DOCK4: variants seen among roughly 807,000 people sequenced by gnomAD.
The protein encoded by DOCK4 is dedicator of cytokinesis protein 4.
A neutral mutation model predicts 268.1 loss-of-function variants in DOCK4; 97 were observed. That is an observed-to-expected ratio of 0.36 (90% confidence interval 0.31 to 0.43). DOCK4 has a LOEUF of 0.43. Among genes scored for constraint, DOCK4 ranks in the 20% least tolerant of loss-of-function variants. The probability of loss-of-function intolerance (pLI) is 1.00; values close to 1 mark genes in which losing one functional copy is unlikely to be tolerated. For missense variants in DOCK4, 2,145 were observed against 2,455.7 expected (o/e 0.87, Z 2.67); for synonymous variants, 954 against 887.2 (o/e 1.08, Z -1.34).
chr7:111,943,885 T>C (rs1795400866), intron 10 of DOCK4, among the ~76,000 whole-genome samples: 1 of 152,198 alleles, frequency 6.6e-6, no homozygotes, highest in African/African-American at 2.4e-5. Flanking sequence ...ATCGTGTACA[T>C]AAAACCAAAG....
At chr7:111,921,673 C>A (rs1222664233) in intron 12 of DOCK4, among the ~76,000 whole-genome samples, 1 of 152,172 alleles carries the variant, frequency 6.6e-6, no homozygotes, top group Non-Finnish European at 1.5e-5. Context: ...TTGGTTTCCA[C>A]ATCTGTAAAA....
intron 1 of DOCK4, among the ~76,000 whole-genome samples, chr7:112,063,780 T>A (rs1044108357): frequency 1.3e-5 from 2 of 152,228 alleles, no homozygotes; most frequent in African/African-American, 4.8e-5. Context: ...AGACAATGAA[T>A]ATAGAGCCTA....
intron 7 of DOCK4, among the ~76,000 whole-genome samples, chr7:111,979,665 C>T (rs1026601568): frequency 2.0e-5 from 3 of 151,968 alleles, no homozygotes; most frequent in Admixed American, 6.6e-5. Context: ...TATGAAGAAC[C>T]GAATGACTAC....
intron 27 of DOCK4, chr7:111,819,696 A>G (rs1801831451): frequency 6.6e-6 from 1 of 152,246 alleles, no homozygotes; most frequent in Non-Finnish European, 1.5e-5. Flanking sequence ...GGACCAACAC[A>G]TAAAAGAACA....
At chr7:111,737,535 AC>A (rs71914754) in intron 49 of DOCK4, among the ~76,000 whole-genome samples, 2,246 of 152,310 alleles carry the variant, frequency 0.015, 52 homozygotes, top group African/African-American at 0.051. Flanking sequence ...GTGAAATTTA[AC>A]CCCTGCATGT....
At chr7:111,748,361 T>C (rs549588636) in intron 42 of DOCK4, among the ~76,000 whole-genome samples, 12 of 152,242 alleles carry the variant, frequency 7.9e-5, no homozygotes, top group South Asian at 6.2e-4. Flanking sequence ...TTTTGTAACA[T>C]GTGTAACCAT....
chr7:112,106,409 C>T (rs1355570719), intron 1 of DOCK4, among the ~76,000 whole-genome samples: 1 of 152,150 alleles, frequency 6.6e-6, no homozygotes, highest in Non-Finnish European at 1.5e-5. Flanking sequence ...CATATACACA[C>T]AGAGGTGGGG....
At chr7:111,857,705 C>T (rs764523926) in intron 23 of DOCK4, among the ~76,000 whole-genome samples, 30 of 152,160 alleles carry the variant, frequency 2.0e-4, no homozygotes, top group Non-Finnish European at 3.7e-4. Flanking sequence ...TCTGACCTCG[C>T]GAAGTCCGGC....
intron 1 of DOCK4, among the ~76,000 whole-genome samples, chr7:112,028,292 C>G (rs982372334): frequency 6.6e-6 from 1 of 152,112 alleles, no homozygotes; most frequent in African/African-American, 2.4e-5. Flanking sequence ...AGAATCTAAT[C>G]GGTAAAAGCA....
chr7:111,984,375 G>A lies in DOCK4; in HGVS notation c.480C>T (p.Asp160=). Reference sequence around the variant, plus strand: ...TTGCGTACTCTTTCCTAGGCACCAGGTCCAGTCCCAGTTGTCTAGAAAACA... The same window carrying A: ...TTGCGTACTCTTTCCTAGGCACCAGATCCAGTCCCAGTTGTCTAGAAAACA... ...LDWGNEQLGL[D]LVPRKEYAMV... Residue 160 remains aspartate (D), a synonymous_variant, in exon 7 of 53, where the codon GAC becomes GAT. Coordinates refer to ENST00000428084, the MANE Select transcript of DOCK4 (RefSeq NM_001363540.2). 1 of 1,613,158 alleles carries A rather than the reference G, an allele frequency of 6.2e-7. No individual in the cohort carries two copies. The highest frequency in any genetic ancestry group is 1.1e-5 in the South Asian group (1 of 90,844).
At chr7:112,174,981 C>T (rs1210486706) in intron 1 of DOCK4, among the ~76,000 whole-genome samples, 2 of 140,316 alleles carry the variant, frequency 1.4e-5, no homozygotes, top group African/African-American at 5.5e-5. Context: ...CACTCTGTTG[C>T]CCAGGCTGGA....
intron 30 of DOCK4, among the ~76,000 whole-genome samples, chr7:111,797,006 C>A (rs987916805): frequency 6.6e-6 from 1 of 152,196 alleles, no homozygotes; most frequent in Admixed American, 6.5e-5. Context: ...CTGGGTCATA[C>A]AGAAACGAAG....
At chr7:112,163,507 G>A (rs373634538) in intron 1 of DOCK4, among the ~76,000 whole-genome samples, 13 of 152,166 alleles carry the variant, frequency 8.5e-5, no homozygotes, top group Admixed American at 2.0e-4. Context: ...TCATGCCAAT[G>A]TCAGCCAATG....
At chr7:111,983,835 TACACACACACGCGCGCGCGCGCGCGCGC>T (rs1312556016) in intron 7 of DOCK4, among the ~76,000 whole-genome samples, 16 of 113,242 alleles carry the variant, frequency 1.4e-4, no homozygotes, top group East Asian at 2.9e-4. Flanking sequence ...ATTATGTATG[TACACACACACGCGCGCGCGCGCGCGCGC>T]ACACACACAC....
chr7:112,040,278 T>A (rs1186935286), intron 1 of DOCK4, among the ~76,000 whole-genome samples: 1 of 152,232 alleles, frequency 6.6e-6, no homozygotes, highest in Admixed American at 6.5e-5. Context: ...ATTTAAGTGA[T>A]ACAGGGGAAA....
At chr7:111,989,627 T>C (rs968568375) in intron 5 of DOCK4, among the ~76,000 whole-genome samples, 1 of 152,240 alleles carries the variant, frequency 6.6e-6, no homozygotes, top group Non-Finnish European at 1.5e-5. Context: ...CAATACTTTA[T>C]TGGATCCCCT....
intron 1 of DOCK4, among the ~76,000 whole-genome samples, chr7:112,050,188 C>G (rs775360091): frequency 2.6e-5 from 4 of 152,094 alleles, no homozygotes; most frequent in Non-Finnish European, 4.4e-5. Flanking sequence ...CTGGCACTTT[C>G]CCCCAGAATT....
At chr7:111,935,293 C>T in intron 12 of DOCK4, 2 of 500,700 alleles carry the variant, frequency 4.0e-6, no homozygotes, top group South Asian at 3.7e-5. Context: ...AGACTTGGTA[C>T]CAAAGAACAA....
chr7:111,732,435 C>A, intron 51 of DOCK4, 148 bp from the exon 52 acceptor site: 1 of 708,464 alleles, frequency 1.4e-6, no homozygotes, highest in South Asian at 1.8e-5. Flanking sequence ...GGGGGAGAAG[C>A]TAAATGATGC....
Sources: gnomAD v4.1 joint callset for allele counts (sites outside exome capture counted in the v4.1 genomes callset) on GRCh38, gnomAD v4.1.1 for gene constraint, MANE v1.5 for transcripts, NCBI Gene and HGNC (gene_info 2026-07-23, HGNC 2026-07-21) for gene names.